TRPM3: variants seen among roughly 807,000 people sequenced by gnomAD.
TRPM3 encodes long transient receptor potential channel 3.
TRPM3 carries 77 observed loss-of-function variants against 181.2 expected under a neutral mutation model. The ratio of observed to expected loss-of-function variants is 0.42; its 90% CI spans 0.35 to 0.51. The LOEUF is 0.51. Among genes scored for constraint, TRPM3 ranks in the 20% least tolerant of loss-of-function variants. The pLI is 0.01. For synonymous variants in TRPM3, 745 were observed against 796.4 expected (o/e 0.94, Z 1.09); for missense variants, 1,759 against 2,196.7 (o/e 0.80, Z 3.98).
At chr9:71,282,318 AGAAAG>A (rs1418661940) in intron 1 of TRPM3, among the ~76,000 whole-genome samples, 46 of 114,574 alleles carry the variant, frequency 4.0e-4, no homozygotes, top group Non-Finnish European at 7.1e-4. Context: ...AAAGAAAGAA[AGAAAG>A]GAAAGAAAGA....
chr9:70,990,742 C>G (rs2097474236), intron 1 of TRPM3, among the ~76,000 whole-genome samples: 1 of 152,082 alleles, frequency 6.6e-6, no homozygotes, highest in Admixed American at 6.6e-5. Flanking sequence ...ATAAAATGCA[C>G]AAAAGGGATG....
intron 1 of TRPM3, among the ~76,000 whole-genome samples, chr9:71,322,267 G>T (rs1363658190): frequency 6.6e-6 from 1 of 152,016 alleles, no homozygotes; most frequent in Non-Finnish European, 1.5e-5. Context: ...CTCCCTAACG[G>T]TATGTTAACT....
At chr9:71,030,458 G>C (rs1394409290) in intron 1 of TRPM3, among the ~76,000 whole-genome samples, 1 of 151,884 alleles carries the variant, frequency 6.6e-6, no homozygotes, top group East Asian at 1.9e-4. Context: ...CTAGCTACTT[G>C]GGAGGCTGAG....
intron 8 of TRPM3, among the ~76,000 whole-genome samples, chr9:70,690,963 T>C (rs1275793422): frequency 1.3e-5 from 2 of 152,202 alleles, no homozygotes; most frequent in Non-Finnish European, 2.9e-5. Flanking sequence ...AAATTCTTAA[T>C]GTTAACATTT....
chr9:71,212,677 T>G (rs1274062279), intron 1 of TRPM3, among the ~76,000 whole-genome samples: 3 of 152,156 alleles, frequency 2.0e-5, no homozygotes, highest in Non-Finnish European at 4.4e-5. Flanking sequence ...AGATAAAACT[T>G]TGGGAGTCCA....
chr9:70,828,093 GGAAA>G (rs2093663373), intron 5 of TRPM3, 75 bp from the exon 6 acceptor site: 2 of 1,386,088 alleles, frequency 1.4e-6, no homozygotes, highest in Non-Finnish European at 2.0e-6. Flanking sequence ...ATCAGACAGA[GGAAA>G]GAGAGGAAGA....
At chr9:70,792,463 G>A (rs947989277) in intron 6 of TRPM3, among the ~76,000 whole-genome samples, 16 of 151,670 alleles carry the variant, frequency 1.1e-4, no homozygotes, top group African/African-American at 3.9e-4. Flanking sequence ...GAGAGAGAGA[G>A]GGGAGAGAAA....
At position 70,797,594 on chromosome 9, in the gene TRPM3, T is replaced by C. The variant is rs116142065; in HGVS notation, c.974-13315A>G. Among the ~76,000 whole-genome samples the C allele has an allele frequency of 3.2e-3, 482 of 152,328 alleles. 2 individuals are homozygous for C. Among genetic ancestry groups the C allele is most frequent in the African/African-American group, 0.011 (461 of 41,584 alleles). On this transcript the variant is annotated intron_variant, in intron 6 of 25. Coordinates refer to ENST00000677713, the MANE Select transcript of TRPM3 (RefSeq NM_001366145.2). ...TATCCTCACCATCTTCCATGCAGGA[T>C]GATTTTTAAACTTTCCTTCAGCCAC... is the stretch of plus-strand genomic sequence containing the variant.
At chr9:71,306,613 C>T (rs774480738) in intron 1 of TRPM3, among the ~76,000 whole-genome samples, 6 of 152,118 alleles carry the variant, frequency 3.9e-5, no homozygotes, top group African/African-American at 1.2e-4. Context: ...TGGTGGCTCA[C>T]GCCTGTAATC....
chr9:71,327,844 C>A (rs1016574715), intron 1 of TRPM3, among the ~76,000 whole-genome samples: 2 of 152,102 alleles, frequency 1.3e-5, no homozygotes, highest in Non-Finnish European at 2.9e-5. Context: ...ACATTGACTG[C>A]TTCCAAAAAG....
intron 1 of TRPM3, among the ~76,000 whole-genome samples, chr9:71,438,494 AC>A (rs2094082939): frequency 7.4e-6 from 1 of 135,370 alleles, no homozygotes; most frequent in South Asian, 2.6e-4. Flanking sequence ...ATGTGGCAAA[AC>A]CCCTTCTCTA....
At chr9:70,629,214 CCGGGGGG>C (rs1564624180) in intron 12 of TRPM3, among the ~76,000 whole-genome samples, 2 of 19,672 alleles carry the variant, frequency 1.0e-4, no homozygotes, top group Non-Finnish European at 2.2e-4. Flanking sequence ...GTGACCAGTG[CCGGGGGG>C]GGGGGGGGCC....
chr9:71,033,866 G>A (rs2057845718), intron 1 of TRPM3, among the ~76,000 whole-genome samples: 1 of 152,142 alleles, frequency 6.6e-6, no homozygotes. Flanking sequence ...TGTCCCAGCA[G>A]CTCAGGGCAC....
At chr9:70,681,644 G>A in intron 8 of TRPM3, 66 bp from the exon 9 acceptor site, 8 of 1,297,724 alleles carry the variant, frequency 6.2e-6, no homozygotes, top group Non-Finnish European at 9.0e-6. Context: ...AAATCAATGA[G>A]ACCACATCTG....
rs12376835 is a variant in TRPM3 at position 71,253,473 on chromosome 9, C to T, written c.183+193180G>A. On this transcript the variant is annotated intron_variant, in intron 1 of 24. Transcript: ENST00000357533. ...ACCATCATAACACCACACAGGACAG[C>T]CACTTATAAGCATTACATAGCCAAA... 2.4e-3 allele frequency among the ~76,000 whole-genome samples: 364 copies of T among 152,212 alleles called. 1 individual carries two copies. The highest frequency in any genetic ancestry group is 4.2e-3 in the Non-Finnish European group (284 of 68,000).
chr9:71,283,746 T>A (rs944667215), intron 1 of TRPM3, among the ~76,000 whole-genome samples: 9 of 152,252 alleles, frequency 5.9e-5, no homozygotes, highest in Admixed American at 3.3e-4. Context: ...AAGATTCTGC[T>A]TTCAATTCTT....
intron 9 of TRPM3, among the ~76,000 whole-genome samples, chr9:70,672,437 T>G (rs1319602528): frequency 6.6e-6 from 1 of 152,172 alleles, no homozygotes; most frequent in Non-Finnish European, 1.5e-5. Flanking sequence ...GATGACATCA[T>G]TTGAGCCCTG....
intron 1 of TRPM3, among the ~76,000 whole-genome samples, chr9:71,392,478 T>C (rs982977862): frequency 2.6e-5 from 4 of 152,102 alleles, no homozygotes; most frequent in Non-Finnish European, 2.9e-5. Flanking sequence ...CCAAATTTTG[T>C]TGGGGTATTT....
intron 1 of TRPM3, among the ~76,000 whole-genome samples, chr9:71,130,852 A>G (rs1162235580): frequency 6.6e-6 from 1 of 151,864 alleles, no homozygotes; most frequent in Non-Finnish European, 1.5e-5. Flanking sequence ...CCAAGGAAAA[A>G]CTCATAATTA....
Sources: gnomAD v4.1 joint callset for allele counts (sites outside exome capture counted in the v4.1 genomes callset) on GRCh38, gnomAD v4.1.1 for gene constraint, MANE v1.5 for transcripts, NCBI Gene and HGNC (gene_info 2026-07-23, HGNC 2026-07-21) for gene names.